Variants in DPP7 observed in about 807,000 individuals in gnomAD.
The protein encoded by DPP7 is dipeptidyl peptidase 2.
A neutral mutation model predicts 58.8 loss-of-function variants in DPP7; 74 were observed. That is an observed-to-expected ratio of 1.26 (90% CI 1.04 to 1.53). The LOEUF (loss-of-function observed/expected upper bound fraction) is 1.53, where lower values mean the gene tolerates loss of function less well. Among genes scored for constraint, DPP7 ranks in the 40% most tolerant of loss-of-function variants. DPP7 has a pLI of 0.00. For missense variants in DPP7, 807 were observed against 692.3 expected (o/e 1.17, Z -1.86); for synonymous variants, 350 against 303.6 (o/e 1.15, Z -1.59).
chr9:137,113,329 AG>A (rs749205404), intron 5 of DPP7, 31 bp downstream of exon 5: 4 of 1,612,748 alleles, frequency 2.5e-6, no homozygotes, highest in Non-Finnish European at 3.4e-6. Flanking sequence ...GCTGTCCCTT[AG>A]GGGGCCTGGA....
rs966244547 is a variant in DPP7, at chr9:137,113,576, C to T, written c.486-80G>A. The T allele has an allele frequency of 2.7e-6, 4 of 1,480,474 alleles. No individual in the cohort carries two copies. In the Admixed American group the frequency reaches 9.9e-5, roughly 37 times the overall value. 91.7% of individuals were successfully genotyped at this position (1,480,474 alleles called of 1,614,324 possible). On this transcript the variant is annotated intron_variant, in intron 4 of 12. Coordinates refer to ENST00000371579, the MANE Select transcript of DPP7 (RefSeq NM_013379.3). ...TTCCTCCTCAGGGGCCCACAGGTGC[C>T]ACAAGGAGGACGACACTTCTGAGAC...
rs780313143 is a variant in DPP7, at chr9:137,112,966, G to A, written c.857C>T (p.Ala286Val). Residue 286 changes from alanine to valine, a missense_variant, in exon 7 of 13, where the codon GCC (alanine) becomes GTC (valine). Physicochemically the swap from Ala to Val is moderately conservative, Grantham distance 64. Coordinates refer to ENST00000371579, the MANE Select transcript of DPP7 (RefSeq NM_013379.3). ...GCGGCGCCTCACCTTGACGGGGTTG[G>A]CAGGGAGGGGACCCAGGAAGTCAGT... is the stretch of plus-strand genomic sequence containing the variant. ...YPTDFLGPLPANPVKVGCDRL... is the reference protein window; with the variant it reads ...YPTDFLGPLPVNPVKVGCDRL... The A allele has an allele frequency of 1.5e-5, 24 of 1,613,408 alleles. No individual in the cohort carries two copies. Among genetic ancestry groups the A allele is most frequent in the Non-Finnish European group, 1.9e-5 (22 of 1,179,980 alleles).
In DPP7 at chr9:137,110,622, G is replaced by T. The variant is rs1831308539; in HGVS notation, c.*26C>A. ...GAGTGAAGCCCCCACTCCATGAGGA[G>T]CCTTGAGACCCCTCCAGTCCTGTGC... is the stretch of plus-strand genomic sequence containing the variant. On this transcript the variant is annotated 3_prime_UTR_variant, in exon 13 of 13. Coordinates refer to ENST00000371579, the MANE Select transcript of DPP7 (RefSeq NM_013379.3). The T allele has an allele frequency of 6.2e-7, 1 of 1,601,782 alleles. No homozygotes were observed. Among genetic ancestry groups the T allele is most frequent in the East Asian group, 2.2e-5 (1 of 44,676 alleles).
Position 137,111,977 on chromosome 9 carries a change from A to G in DPP7, c.1103T>C (p.Phe368Ser), listed in dbSNP as rs761185569. 1.4e-5 allele frequency: 22 copies of G among 1,612,172 alleles called. No homozygotes were observed. Among genetic ancestry groups the G allele is most frequent in the Non-Finnish European group, 1.9e-5 (22 of 1,179,648 alleles). ...CTCGTCAGTGAAGGGCAGGTCCGGG[A>G]ACATATCGGTCACATTGTTGCTGGC... ...TFASNNVTDM[F>S]PDLPFTDELR... The change falls in exon 10 of 13, where the codon TTC becomes TCC. Residue 368 changes from phenylalanine to serine, a missense_variant. Coordinates refer to ENST00000371579, the MANE Select transcript of DPP7 (RefSeq NM_013379.3).
chr9:137,114,812 C>A, upstream of DPP7: 1 of 826,994 alleles, frequency 1.2e-6, no homozygotes. Context: ...CCCGCGGTCC[C>A]CACGGAGACC....
At chr9:137,116,199 C>CT (rs57450079), upstream of DPP7, among the ~76,000 whole-genome samples, 147,787 of 152,328 alleles carry the variant, frequency 0.97, 71,735 homozygotes, top group East Asian at 1. Context: ...ATTGATGCCC[C>CT]TCTGGGCAGC....
upstream of DPP7, among the ~76,000 whole-genome samples, chr9:137,118,041 G>A (rs1462862558): frequency 6.6e-6 from 1 of 151,872 alleles, no homozygotes; most frequent in Non-Finnish European, 1.5e-5. Flanking sequence ...AGGCTGGAGT[G>A]AAGTGACACG....
intron 8 of DPP7, 103 bp from the exon 9 acceptor site, chr9:137,112,333 G>A: frequency 2.0e-6 from 2 of 981,420 alleles, no homozygotes; most frequent in Non-Finnish European, 2.9e-6. Context: ...GGGGATCTGG[G>A]GCTCTGGGAT....
intron 11 of DPP7, among the ~76,000 whole-genome samples, chr9:137,111,293 CT>C (rs1173893436): frequency 8.2e-6 from 1 of 121,616 alleles, no homozygotes; most frequent in Non-Finnish European, 2.0e-5. Flanking sequence ...TCCCAGCACT[CT>C]GGGGGTGAGA....
upstream of DPP7, among the ~76,000 whole-genome samples, chr9:137,116,729 A>G (rs1288642833): frequency 6.6e-6 from 1 of 152,234 alleles, no homozygotes; most frequent in Non-Finnish European, 1.5e-5. Context: ...CAGTTGAGAT[A>G]AGAGGAAGGC....
chr9:137,113,606 A>C, intron 4 of DPP7, 110 bp from the exon 5 acceptor site: 1 of 1,444,486 alleles, frequency 6.9e-7, no homozygotes, highest in Non-Finnish European at 9.1e-7. Context: ...TGAGACCCAC[A>C]AATTCCAACC....
Position 137,113,062 on chromosome 9 carries a change from T to C in DPP7, c.761A>G (p.Asp254Gly), listed in dbSNP as rs761611563. ...GTCQPLSDEKDLTQLFMFARN... is the reference protein window; with the variant it reads ...GTCQPLSDEKGLTQLFMFARN... Reference sequence around the variant, plus strand: ...GGCGAACATGAAGAGCTGGGTCAGGTCCTTCTCGTCTGACAGCGGCTGGCA... The same window carrying C: ...GGCGAACATGAAGAGCTGGGTCAGGCCCTTCTCGTCTGACAGCGGCTGGCA... The change falls in exon 7 of 13, where the codon GAC becomes GGC. Residue 254 changes from aspartate (D) to glycine (G), a missense_variant. Around this residue, in one of 3 missense-constraint regions of DPP7, gnomAD observed 624 missense variants for 531.2 expected, o/e 1.17. Transcript: ENST00000371579. 1 of 1,613,898 alleles carries C rather than the reference T, an allele frequency of 6.2e-7. No homozygotes were observed. The highest frequency in any genetic ancestry group is 1.1e-5 in the South Asian group (1 of 91,082).
chr9:137,112,799 A>G lies in DPP7; in HGVS notation c.877T>C (p.Cys293Arg), dbSNP rs1831441212. The change falls in exon 8 of 13, where the codon TGT becomes CGT. Residue 293 changes from cysteine (C) to arginine (R), a missense_variant. Around this residue, in one of 3 missense-constraint regions of DPP7, gnomAD observed 624 missense variants for 531.2 expected, o/e 1.17. Transcript: ENST00000371579. ...TGGGCCTCACTCAGCAGCCGATCAC[A>G]GCCCACCTGGAGTGCAGGGGCAGCG... ...PLPANPVKVG[C>R]DRLLSEAQRI... 1.9e-6 allele frequency: 3 copies of G among 1,609,696 alleles called. No homozygotes were observed. Among genetic ancestry groups the G allele is most frequent in the Non-Finnish European group, 1.7e-6 (2 of 1,179,496 alleles).
upstream of DPP7, chr9:137,114,911 C>T (rs1289039859): frequency 2.8e-6 from 1 of 355,290 alleles, no homozygotes; most frequent in Non-Finnish European, 5.0e-6. Flanking sequence ...GGGCACGGCG[C>T]GGGGAAGCAG....
chr9:137,114,310 G>A lies in DPP7; in HGVS notation c.254C>T (p.Ala85Val), dbSNP rs761128938. The change falls in exon 3 of 13, where the codon GCC (alanine) becomes GTC (valine). Residue 85 changes from alanine to valine, a missense_variant. Physicochemically the swap from Ala to Val is moderately conservative, Grantham distance 64. This residue lies in a region of DPP7 where 168 missense variants were observed against 124.1 expected (regional missense o/e 1.35). Transcript: ENST00000371579. ...TGNEGDVWAF[A>V]NNSAFVAELA... Reference sequence around the variant, plus strand: ...CTCCGCGACGAAGGCCGAGTTGTTGGCGAAGGCCCACACGTCGCCCTCGTT... The same window carrying A: ...CTCCGCGACGAAGGCCGAGTTGTTGACGAAGGCCCACACGTCGCCCTCGTT... The A allele has an allele frequency of 6.2e-7, 1 of 1,605,454 alleles. No homozygotes were observed. Among genetic ancestry groups the A allele is most frequent in the Non-Finnish European group, 8.5e-7 (1 of 1,176,812 alleles).
chr9:137,115,140 C>T (rs909656397), upstream of DPP7: 20 of 160,602 alleles, frequency 1.2e-4, no homozygotes, highest in East Asian at 1.8e-4. Flanking sequence ...AGAGTGCTGG[C>T]CCCCCGAAGA....
chr9:137,115,949 C>T (rs1044708516), upstream of DPP7, among the ~76,000 whole-genome samples: 2 of 152,214 alleles, frequency 1.3e-5, no homozygotes, highest in African/African-American at 4.8e-5. Context: ...CCACCCCACA[C>T]CTCTGCTCCT....
In DPP7 at chr9:137,113,393, C is replaced by T. The variant is rs1176350881; in HGVS notation, c.589G>A (p.Asp197Asn). 6.2e-6 allele frequency: 10 copies of T among 1,609,748 alleles called. No homozygotes were observed. The highest frequency in any genetic ancestry group is 1.1e-5 in the South Asian group (1 of 90,986). Residue 197 changes from aspartate (D) to asparagine (N), a missense_variant, in exon 5 of 13, where the codon GAC (aspartate) becomes AAC (asparagine). Asp to Asn is a conservative substitution (Grantham distance 23). Around this residue, in one of 3 missense-constraint regions of DPP7, gnomAD observed 624 missense variants for 531.2 expected, o/e 1.17. Transcript: ENST00000371579. ...APVLAVAGLG[D>N]SNQFFRDVTA... ...ACGTCCCGGAAGAACTGGTTGGAGT[C>T]GCCGAGGCCTGCCACAGCTAGAACG... is the stretch of plus-strand genomic sequence containing the variant.
chr9:137,111,315 G>A (rs1284341626), intron 11 of DPP7, among the ~76,000 whole-genome samples: 2 of 132,222 alleles, frequency 1.5e-5, no homozygotes, highest in Non-Finnish European at 1.8e-5. Context: ...CGGGAGCAGG[G>A]TAGGGGCAGG....
Sources: gnomAD v4.1 joint callset for allele counts (sites outside exome capture counted in the v4.1 genomes callset) on GRCh38, gnomAD v4.1.1 for gene constraint, gnomAD v4.1.1 regional missense constraint, MANE v1.5 for transcripts, NCBI Gene and HGNC (gene_info 2026-07-23, HGNC 2026-07-21) for gene names.